Variants in TBCE observed in about 807,000 individuals in gnomAD.
The protein encoded by TBCE is tubulin-specific chaperone E.
Under a neutral mutation model 77.0 loss-of-function variants are expected in TBCE, and 53 were observed. The ratio of observed to expected loss-of-function variants is 0.69; its 90% CI spans 0.55 to 0.87. The LOEUF (loss-of-function observed/expected upper bound fraction) is 0.87. TBCE is among the 40% of genes least tolerant of loss of function. TBCE has a pLI of 0.00. For missense variants in TBCE, 624 were observed against 622.4 expected, an observed-to-expected ratio of 1.00 and a Z score of -0.03; for synonymous variants, 235 against 241.3, an observed-to-expected ratio of 0.97 and a Z score of 0.24.
chr1:235,419,480 AG>A lies in TBCE; in HGVS notation c.380del (p.Ser127ThrfsTer8), dbSNP rs1680276155. On this transcript the variant is annotated frameshift_variant, in exon 5 of 17. Coordinates refer to ENST00000642610, the MANE Select transcript of TBCE (RefSeq NM_003193.5). LOFTEE classifies it high-confidence loss of function. ...DSIMKQQSQL[S>X]KLQEVSLRNC... ...ACTCTGTTTTTCATGCAGTCAGCTGAGCAAGTTGCAAGAAGTTTCTCTGAGG... is the reference window on the plus strand; with the variant it reads ...ACTCTGTTTTTCATGCAGTCAGCTGACAAGTTGCAAGAAGTTTCTCTGAGG... 2.5e-6 allele frequency: 4 copies of A among 1,614,060 alleles called. No individual in the cohort carries two copies. The highest frequency in any genetic ancestry group is 3.4e-6 in the Non-Finnish European group (4 of 1,180,010).
At chr1:235,389,048 A>C (rs1307945863) in intron 2 of TBCE, among the ~76,000 whole-genome samples, 1 of 152,306 alleles carries the variant, frequency 6.6e-6, no homozygotes, top group East Asian at 1.9e-4. Flanking sequence ...AAGAGGGCAG[A>C]CAGTTGAGGG....
At chr1:235,369,038 A>G (rs1676736176) in intron 1 of TBCE, among the ~76,000 whole-genome samples, 1 of 152,080 alleles carries the variant, frequency 6.6e-6, no homozygotes, top group African/African-American at 2.4e-5. Flanking sequence ...GGCTCTTGTT[A>G]TCACCTTCAC....
At chr1:235,385,137 T>C (rs1482453108) in intron 2 of TBCE, among the ~76,000 whole-genome samples, 1 of 152,184 alleles carries the variant, frequency 6.6e-6, no homozygotes, top group Non-Finnish European at 1.5e-5. Context: ...TTGAGTGAGT[T>C]TCTTAATCCT....
At chr1:235,372,991 G>T (rs1337698034) in intron 1 of TBCE, among the ~76,000 whole-genome samples, 1 of 150,430 alleles carries the variant, frequency 6.6e-6, no homozygotes, top group Admixed American at 6.7e-5. Flanking sequence ...TGGATATTGA[G>T]ATGATTAATG....
At chr1:235,409,451 TTTG>T (rs1408314034) in intron 3 of TBCE, among the ~76,000 whole-genome samples, 6 of 152,152 alleles carry the variant, frequency 3.9e-5, no homozygotes, top group African/African-American at 7.2e-5. Context: ...CTCTTGGAGA[TTTG>T]TTGTTATTGA....
intron 13 of TBCE, chr1:235,441,580 A>T (rs912659658): frequency 1.8e-5 from 10 of 553,052 alleles, no homozygotes; most frequent in African/African-American, 1.5e-4. Context: ...GGTCATTAAC[A>T]ATGAGCTAGA....
At chr1:235,400,883 G>C (rs1213266027) in intron 2 of TBCE, among the ~76,000 whole-genome samples, 2 of 150,840 alleles carry the variant, frequency 1.3e-5, no homozygotes, top group Non-Finnish European at 2.9e-5. Context: ...TAGTAGAGAT[G>C]GGGTTTCTTC....
intron 6 of TBCE, 80 bp from the exon 7 acceptor site, chr1:235,430,625 C>A: frequency 1.0e-6 from 1 of 986,648 alleles, no homozygotes; most frequent in East Asian, 2.6e-5. Flanking sequence ...GATTAAAACC[C>A]AGATTGTTGC....
At chr1:235,421,400 G>A (rs1051024475) in intron 5 of TBCE, among the ~76,000 whole-genome samples, 5 of 152,134 alleles carry the variant, frequency 3.3e-5, no homozygotes, top group South Asian at 2.1e-4. Flanking sequence ...GGGAGACCCC[G>A]TTTCTATTAA....
chr1:235,377,469 G>A (rs918047038), intron 1 of TBCE, among the ~76,000 whole-genome samples: 7 of 151,938 alleles, frequency 4.6e-5, no homozygotes, highest in Non-Finnish European at 7.4e-5. Context: ...GTGAGCCACC[G>A]CGCCCAGCCT....
chr1:235,443,422 G>A (rs930681091), intron 15 of TBCE, among the ~76,000 whole-genome samples: 5 of 151,972 alleles, frequency 3.3e-5, no homozygotes, highest in Non-Finnish European at 5.9e-5. Flanking sequence ...GGCTGGTCTC[G>A]AATTCCTGAG....
rs575056266 is a variant in TBCE, at chr1:235,394,199, C to T, written c.101-7304C>T. ...ACGCCATTCTCCTGCCTCAGCCTCC[C>T]GAGTAGCTGGAAATACAGGCGCCCA... On this transcript the variant is annotated intron_variant, in intron 2 of 16. Transcript: ENST00000642610. 1.2e-4 allele frequency among the ~76,000 whole-genome samples: 19 copies of T among 152,088 alleles called. No individual in the cohort carries two copies. The East Asian group carries it at 1.4e-3, about 11-fold the overall frequency.
chr1:235,439,725 T>G (rs576824394), intron 13 of TBCE, among the ~76,000 whole-genome samples: 1 of 151,600 alleles, frequency 6.6e-6, no homozygotes, highest in South Asian at 2.1e-4. Flanking sequence ...TGACCTCAAG[T>G]GATCCACCCG....
intron 15 of TBCE, among the ~76,000 whole-genome samples, 145 bp from the exon 16 acceptor site, chr1:235,448,196 TTAAGTAAG>T (rs562018636): frequency 7.2e-6 from 1 of 139,000 alleles, no homozygotes; most frequent in Non-Finnish European, 1.5e-5. Context: ...CAAGACTTAC[TTAAGTAAG>T]TAAGTAAGTC....
At chr1:235,373,894 C>G (rs1272257766) in intron 1 of TBCE, among the ~76,000 whole-genome samples, 2 of 145,950 alleles carry the variant, frequency 1.4e-5, no homozygotes, top group Non-Finnish European at 3.0e-5. Context: ...CGTGATCCTC[C>G]CGCCTCGGCC....
At chr1:235,371,782 C>G (rs1008210506) in intron 1 of TBCE, among the ~76,000 whole-genome samples, 2 of 152,104 alleles carry the variant, frequency 1.3e-5, no homozygotes, top group African/African-American at 2.4e-5. Context: ...AAGTGATTCT[C>G]CTGCCTCAGC....
At chr1:235,447,387 T>G (rs1011217230) in intron 15 of TBCE, among the ~76,000 whole-genome samples, 1 of 152,182 alleles carries the variant, frequency 6.6e-6, no homozygotes, top group Non-Finnish European at 1.5e-5. Context: ...TTTCTTATAA[T>G]CAAAATATCC....
chr1:235,435,112 T>G (rs1445624127), intron 8 of TBCE, among the ~76,000 whole-genome samples: 1 of 151,688 alleles, frequency 6.6e-6, no homozygotes, highest in Non-Finnish European at 1.5e-5. Context: ...GTTTTGTTTT[T>G]TTTTTGAGAT....
At chr1:235,414,107 T>C (rs981868986) in intron 3 of TBCE, 5 of 329,958 alleles carry the variant, frequency 1.5e-5, no homozygotes, top group Admixed American at 4.6e-5. Flanking sequence ...CCTCCTGCCT[T>C]GGCCTCCCAA....
Sources: allele counts gnomAD v4.1 joint callset (sites outside exome capture counted in the v4.1 genomes callset), GRCh38; gene constraint gnomAD v4.1.1; transcripts MANE v1.5; gene names NCBI Gene and HGNC (gene_info 2026-07-23, HGNC 2026-07-21).